Variants in CIMIP6 observed in about 807,000 individuals in gnomAD.
CIMIP6 encodes the protein ciliary microtubule inner protein 6.
At chr2:54,378,434 TA>T in the CIMIP6 span, among the ~76,000 whole-genome samples, 1 of 152,218 alleles carries the variant, frequency 6.6e-6, no homozygotes, top group Non-Finnish European at 1.5e-5. Flanking sequence ...TGCAGCAACT[TA>T]AATTCTTCCC....
At chr2:54,333,609 C>T in the CIMIP6 span, among the ~76,000 whole-genome samples, 18 of 152,146 alleles carry the variant, frequency 1.2e-4, no homozygotes, top group African/African-American at 2.4e-4. Flanking sequence ...ATGATGTGGG[C>T]GAGGCACAGT....
chr2:54,374,538 T>C, the CIMIP6 span, among the ~76,000 whole-genome samples: 1 of 152,320 alleles, frequency 6.6e-6, no homozygotes, highest in South Asian at 2.1e-4. Context: ...AATGAATCTT[T>C]CCAAATTAAC....
chr2:54,348,747 C>T, the CIMIP6 span, among the ~76,000 whole-genome samples: 1 of 152,174 alleles, frequency 6.6e-6, no homozygotes, highest in African/African-American at 2.4e-5. Flanking sequence ...TAAACATGCA[C>T]TAATATGTGC....
the CIMIP6 span, among the ~76,000 whole-genome samples, chr2:54,379,443 C>T: frequency 6.6e-6 from 1 of 152,192 alleles, no homozygotes; most frequent in Non-Finnish European, 1.5e-5. Context: ...GATTCCTGGG[C>T]CATACTTGCA....
chr2:54,377,931 C>G, the CIMIP6 span, among the ~76,000 whole-genome samples: 29 of 152,240 alleles, frequency 1.9e-4, no homozygotes, highest in African/African-American at 7.0e-4. Flanking sequence ...AAATAGAGCA[C>G]GTGTGAAGTA....
At chr2:54,352,025 A>T in the CIMIP6 span, among the ~76,000 whole-genome samples, 451 of 152,284 alleles carry the variant, frequency 3.0e-3, 5 homozygotes, top group East Asian at 0.019. Context: ...AACCTTGTAA[A>T]TCTAATAAAC....
At chr2:54,381,894 A>T in the CIMIP6 span, 3 of 1,550,686 alleles carry the variant, frequency 1.9e-6, no homozygotes, top group Middle Eastern at 3.3e-4. Context: ...GTCCTGTGCC[A>T]CAGTGCAGGA....
chr2:54,380,647 C>G, the CIMIP6 span, among the ~76,000 whole-genome samples: 11 of 152,352 alleles, frequency 7.2e-5, 1 homozygote, highest in African/African-American at 2.4e-4. Context: ...CTGATACGCT[C>G]TCCCCTAACT....
chr2:54,372,177 T>C, the CIMIP6 span, among the ~76,000 whole-genome samples: 58 of 152,272 alleles, frequency 3.8e-4, 1 homozygote, highest in Middle Eastern at 3.4e-3. Flanking sequence ...AACTTGCCTG[T>C]GGTCAAACTG....
chr2:54,366,952 T>C, the CIMIP6 span, among the ~76,000 whole-genome samples: 1 of 152,086 alleles, frequency 6.6e-6, no homozygotes, highest in African/African-American at 2.4e-5. Context: ...AGTGTTAATA[T>C]AACCATCTTA....
At chr2:54,349,884 T>G in the CIMIP6 span, among the ~76,000 whole-genome samples, 1 of 151,362 alleles carries the variant, frequency 6.6e-6, no homozygotes, top group African/African-American at 2.4e-5. Context: ...AGTCTCGCTC[T>G]GTCGCCCAGG....
At chr2:54,332,585 TG>T in the CIMIP6 span, among the ~76,000 whole-genome samples, 16 of 152,252 alleles carry the variant, frequency 1.1e-4, no homozygotes, top group Non-Finnish European at 1.8e-4. Flanking sequence ...AGCCCATCAG[TG>T]TTTTTATCTG....
chr2:54,331,146 C>T, the CIMIP6 span: 2 of 742,522 alleles, frequency 2.7e-6, no homozygotes, highest in Non-Finnish European at 4.5e-6. Context: ...TGAGCGCTTA[C>T]AACAATAATT....
At chr2:54,361,784 G>T in the CIMIP6 span, among the ~76,000 whole-genome samples, 2 of 152,194 alleles carry the variant, frequency 1.3e-5, no homozygotes, top group Non-Finnish European at 2.9e-5. Context: ...TGAAGACAGG[G>T]AAGGGAGAGG....
chr2:54,372,059 A>G, the CIMIP6 span, among the ~76,000 whole-genome samples: 3 of 152,214 alleles, frequency 2.0e-5, no homozygotes, highest in African/African-American at 7.2e-5. Context: ...TGAACTGTGT[A>G]TGTTTTAGCT....
the CIMIP6 span, among the ~76,000 whole-genome samples, chr2:54,363,698 T>C: frequency 2.0e-5 from 3 of 152,208 alleles, no homozygotes; most frequent in Non-Finnish European, 2.9e-5. Flanking sequence ...TCTATTAAAA[T>C]GGATTTCATT....
chr2:54,335,125 A>T, the CIMIP6 span: 1 of 873,880 alleles, frequency 1.1e-6, no homozygotes, highest in Non-Finnish European at 1.7e-6. Flanking sequence ...CACATCTCAG[A>T]GTAGTACTTA....
chr2:54,363,240 C>T, the CIMIP6 span, among the ~76,000 whole-genome samples: 5 of 152,130 alleles, frequency 3.3e-5, no homozygotes, highest in African/African-American at 1.2e-4. Context: ...TTATCAGTTT[C>T]TGTTGACTAT....
At chr2:54,360,214 T>G in the CIMIP6 span, 1 of 1,577,846 alleles carries the variant, frequency 6.3e-7, no homozygotes, top group Non-Finnish European at 8.6e-7. Flanking sequence ...GACACGGAGC[T>G]TTTGTACAGA....
Sources: allele counts gnomAD v4.1 joint callset (sites outside exome capture counted in the v4.1 genomes callset), GRCh38; gene constraint gnomAD v4.1.1; transcripts MANE v1.5; gene names NCBI Gene and HGNC (gene_info 2026-07-23, HGNC 2026-07-21).